SCNN1B: variants seen among roughly 807,000 people sequenced by gnomAD.
SCNN1B encodes sodium channel epithelial 1 subunit beta, also known as epithelial sodium channel subunit beta.
Under a neutral mutation model 65.3 loss-of-function variants are expected in SCNN1B, and 46 were observed. The observed-to-expected ratio is 0.70, with a 90% CI of 0.56 to 0.90. The LOEUF (loss-of-function observed/expected upper bound fraction) is 0.90. Ranked by LOEUF, SCNN1B falls within the 40% of genes least tolerant of loss-of-function variation. SCNN1B has a pLI of 0.00. For missense variants in SCNN1B, 751 were observed against 830.5 expected, an observed-to-expected ratio of 0.90 and a Z score of 1.18; for synonymous variants, 349 against 330.6, an observed-to-expected ratio of 1.06 and a Z score of -0.60.
chr16:23,337,001 A>G (rs761580767), intron 1 of SCNN1B, among the ~76,000 whole-genome samples: 1 of 152,118 alleles, frequency 6.6e-6, no homozygotes, highest in South Asian at 2.1e-4. Flanking sequence ...AACAAAATCA[A>G]GCTTATAAAT....
intron 1 of SCNN1B, among the ~76,000 whole-genome samples, chr16:23,344,069 CT>C (rs1220620374): frequency 1.3e-5 from 2 of 152,234 alleles, no homozygotes; most frequent in Non-Finnish European, 2.9e-5. Flanking sequence ...ATTGTAACAA[CT>C]TTTGCTACCT....
At chr16:23,307,695 T>C (rs16940013) in intron 1 of SCNN1B, among the ~76,000 whole-genome samples, 9,109 of 152,138 alleles carry the variant, frequency 0.06, 937 homozygotes, top group African/African-American at 0.21. Context: ...AGGGAGTGAA[T>C]GACCTAAGCC....
chr16:23,366,099 A>G (rs1962663469), intron 4 of SCNN1B, among the ~76,000 whole-genome samples: 1 of 152,270 alleles, frequency 6.6e-6, no homozygotes. Flanking sequence ...GCTGTGGAGC[A>G]TAAGGCTTCA....
upstream of SCNN1B, among the ~76,000 whole-genome samples, chr16:23,299,412 G>A (rs1211719961): frequency 1.3e-5 from 2 of 152,042 alleles, no homozygotes; most frequent in African/African-American, 4.8e-5. Flanking sequence ...AATTTTATAT[G>A]GTCACAACCA....
At position 23,377,491 on chromosome 16, in the gene SCNN1B, C is replaced by CTCCCTCCTTCCTTCCTTCTCTGTT. The variant is rs1567319271; in HGVS notation, c.1404+125_1404+148dup. 1.2e-5 allele frequency: 11 copies of CTCCCTCCTTCCTTCCTTCTCTGTT among 953,906 alleles called. No individual in the cohort carries two copies. The East Asian group carries it at 1.2e-4, about 11-fold the overall frequency. The allele number at this position is 953,906 out of a possible 1,614,324, so 59.1% of individuals were successfully genotyped here. A position where few individuals can be genotyped will look rare whatever the true frequency, so the allele number is the denominator to read the frequency against. On this transcript the variant is annotated intron_variant, in intron 10 of 12. Transcript: ENST00000343070. ...AAATTTGAAGGGGGTGCCTTTTTCC[C>CTCCCTCCTTCCTTCCTTCTCTGTT]TCCCTCCTTCCTTCCTTCTCTGTTT...
intron 2 of SCNN1B, among the ~76,000 whole-genome samples, chr16:23,293,448 C>T (rs1189478284): frequency 1.3e-5 from 2 of 152,126 alleles, no homozygotes; most frequent in Non-Finnish European, 2.9e-5. Flanking sequence ...TCCACTTATA[C>T]GAGGTCCCTA....
chr16:23,289,012 G>C (rs1960887940), intron 2 of SCNN1B, among the ~76,000 whole-genome samples: 1 of 152,162 alleles, frequency 6.6e-6, no homozygotes. Flanking sequence ...AGACAGCAGT[G>C]AGCAACTTAC....
chr16:23,298,487 G>A (rs181043126), upstream of SCNN1B, among the ~76,000 whole-genome samples: 168 of 152,298 alleles, frequency 1.1e-3, 1 homozygote, highest in African/African-American at 3.9e-3. Flanking sequence ...GAAAATGGGC[G>A]GTAACTTCCC....
chr16:23,349,133 C>T (rs1455157528), intron 2 of SCNN1B, among the ~76,000 whole-genome samples: 3 of 151,420 alleles, frequency 2.0e-5, no homozygotes, highest in African/African-American at 7.3e-5. Context: ...TTCTCTTTCT[C>T]CTCCTCTCTG....
At chr16:23,371,573 GCCTT>G (rs1414208599) in intron 6 of SCNN1B, 111 bp downstream of exon 6, 3 of 1,230,812 alleles carry the variant, frequency 2.4e-6, no homozygotes, top group Non-Finnish European at 3.5e-6. Context: ...CCCAGCCCTG[GCCTT>G]CCTTCCTTTT....
intron 1 of SCNN1B, among the ~76,000 whole-genome samples, chr16:23,282,274 CA>C (rs1960794752): frequency 6.6e-6 from 1 of 152,148 alleles, no homozygotes; most frequent in Non-Finnish European, 1.5e-5. Context: ...TAGTACCCCC[CA>C]AAATGAGGGG....
intron 1 of SCNN1B, among the ~76,000 whole-genome samples, chr16:23,328,690 A>G (rs1288531386): frequency 3.3e-5 from 5 of 152,218 alleles, no homozygotes; most frequent in Non-Finnish European, 5.9e-5. Context: ...GTCAGTTTCA[A>G]ACATGGAAGT....
intron 1 of SCNN1B, among the ~76,000 whole-genome samples, chr16:23,307,585 G>T (rs1961247915): frequency 6.6e-6 from 1 of 152,068 alleles, no homozygotes; most frequent in Non-Finnish European, 1.5e-5. Flanking sequence ...CTCCCAAAGT[G>T]CTGGGATTAC....
Position 23,348,749 on chromosome 16 carries a change from C to T in SCNN1B, c.150C>T (p.Ala50=). Residue 50 remains alanine, a synonymous_variant, in exon 2 of 13, where the codon GCC becomes GCT. Coordinates refer to ENST00000343070, the MANE Select transcript of SCNN1B (RefSeq NM_000336.3). The surrounding 1 kb of genome is among the most constrained non-coding windows in gnomAD (Gnocchi z 4.5). ...TCTGTGAGGGGCCCAAGAAGAAAGC[C>T]ATGTGGTTCCTGCTCACCCTGCTCT... ...RIICEGPKKK[A]MWFLLTLLFA... 6.2e-7 allele frequency: 1 copy of T among 1,614,196 alleles called. No individual in the cohort carries two copies.
chr16:23,305,695 T>G (rs1398373786), intron 1 of SCNN1B, among the ~76,000 whole-genome samples: 1 of 147,850 alleles, frequency 6.8e-6, no homozygotes, highest in Non-Finnish European at 1.5e-5. Flanking sequence ...TACAGTGAGC[T>G]GTGATCACAC....
chr16:23,358,207 G>A (rs901788719), intron 4 of SCNN1B: 1 of 152,238 alleles, frequency 6.6e-6, no homozygotes, highest in South Asian at 2.1e-4. Flanking sequence ...CATATGGGCT[G>A]AGGGTGAGGG....
intron 4 of SCNN1B, among the ~76,000 whole-genome samples, chr16:23,360,205 T>TAAA (rs879450862): frequency 7.6e-6 from 1 of 132,396 alleles, no homozygotes; most frequent in African/African-American, 2.7e-5. Flanking sequence ...CTCAAAAAAA[T>TAAA]AAATAAATAA....
At position 23,343,456 on chromosome 16, in the gene SCNN1B, T is replaced by G. The variant is rs567271922; in HGVS notation, c.-8-5136T>G. Among the ~76,000 whole-genome samples, 111 of 42,060 alleles carry G rather than the reference T, an allele frequency of 2.6e-3. 3 individuals are homozygous for G. Among genetic ancestry groups the G allele is most frequent in the Admixed American group, 3.8e-3 (15 of 3,912 alleles). 27.6% of individuals were successfully genotyped at this position (42,060 alleles called of 152,430 possible). On this transcript the variant is annotated intron_variant, in intron 1 of 12. Transcript: ENST00000343070. Reference sequence around the variant, plus strand: ...AACAAGAGCAAAAGTTTGCCAAAAATAAAAAAAGGAAAAGAAAGAAAGGAA... The same window carrying G: ...AACAAGAGCAAAAGTTTGCCAAAAAGAAAAAAAGGAAAAGAAAGAAAGGAA...
rs760862719 is a variant in SCNN1B at position 23,348,584 on chromosome 16, C to T, written c.-8-8C>T. 1 of 1,612,086 alleles carries T rather than the reference C, an allele frequency of 6.2e-7. No homozygotes were observed. The highest frequency in any genetic ancestry group is 1.1e-5 in the South Asian group (1 of 90,978). The stretch of plus-strand genomic sequence containing the variant: ...CCAGCTGATGTGCGTCCCCATGCCT[C>T]TCTGCAGGTGCCACTATGCACGTGA... On this transcript the variant is annotated splice_region_variant and splice_polypyrimidine_tract_variant and intron_variant, in intron 1 of 12. Coordinates refer to ENST00000343070, the MANE Select transcript of SCNN1B (RefSeq NM_000336.3). The surrounding 1 kb of genome is among the most constrained non-coding windows in gnomAD (Gnocchi z 4.5).
Sources: gnomAD v4.1 joint callset for allele counts (sites outside exome capture counted in the v4.1 genomes callset) on GRCh38, gnomAD v4.1.1 for gene constraint, Gnocchi (gnomAD v3.1) non-coding constraint, MANE v1.5 for transcripts, NCBI Gene and HGNC (gene_info 2026-07-23, HGNC 2026-07-21) for gene names.